Variants in MTA3 observed in about 807,000 individuals in gnomAD.
MTA3 encodes metastasis associated 1 family member 3.
Under a neutral mutation model 83.5 loss-of-function variants are expected in MTA3, and 34 were observed. That is an observed-to-expected ratio of 0.41 (90% CI 0.31 to 0.54). The LOEUF (loss-of-function observed/expected upper bound fraction) is 0.54, where lower values mean the gene tolerates loss of function less well. Among genes scored for constraint, MTA3 ranks in the 20% least tolerant of loss-of-function variants. MTA3 has a pLI of 0.33. For missense variants in MTA3, 761 were observed against 726.4 expected (o/e 1.05, Z -0.55); for synonymous variants, 303 against 252.7 (o/e 1.20, Z -1.89).
chr2:42,718,679 C>A (rs1319651467), intron 14 of MTA3, among the ~76,000 whole-genome samples: 1 of 151,946 alleles, frequency 6.6e-6, no homozygotes, highest in Non-Finnish European at 1.5e-5. Flanking sequence ...AGGAGAATTG[C>A]TTGAACCCAG....
rs1161293173 is a variant in MTA3 at position 42,667,424 on chromosome 2, T to C, written c.702+7562T>C. On this transcript the variant is annotated intron_variant, in intron 8 of 16. Transcript: ENST00000405094. ...CTAACTCTCCATCCCCTCTGCCCTC[T>C]AGCCACTACCCTTCTACTTTTGTCT... is the stretch of plus-strand genomic sequence containing the variant. Among the ~76,000 whole-genome samples the C allele has an allele frequency of 4.6e-5, 7 of 152,222 alleles. No homozygotes were observed. The East Asian group carries it at 1.4e-3, about 29-fold the overall frequency.
At chr2:42,634,592 G>A (rs750095784) in intron 4 of MTA3, among the ~76,000 whole-genome samples, 4 of 152,174 alleles carry the variant, frequency 2.6e-5, no homozygotes, top group African/African-American at 4.8e-5. Flanking sequence ...GGATTATGGG[G>A]ATCACAATTC....
chr2:42,753,686 C>T lies in MTA3; in HGVS notation c.*287C>T. ...GGGGCTGAGGGAACCCCTCCACCTC[C>T]TCCCTTCTGCAGCGCCCTGCGCCCC... is the stretch of plus-strand genomic sequence containing the variant. On this transcript the variant is annotated 3_prime_UTR_variant, in exon 17 of 17. Coordinates refer to ENST00000405094, the MANE Select transcript of MTA3 (RefSeq NM_001330442.2). 1.6e-6 allele frequency: 2 copies of T among 1,273,636 alleles called. No homozygotes were observed. Among genetic ancestry groups the T allele is most frequent in the Admixed American group, 3.7e-5 (1 of 26,938 alleles). The allele number at this position is 1,273,636 out of a possible 1,614,324, so 78.9% of individuals were successfully genotyped here.
chr2:42,508,787 CAT>C (rs1006709182), intron 2 of MTA3, among the ~76,000 whole-genome samples: 8 of 143,064 alleles, frequency 5.6e-5, no homozygotes, highest in Admixed American at 2.8e-4. Flanking sequence ...TTTAATATAT[CAT>C]AGATTAAATA....
In MTA3 at chr2:42,756,823, C is replaced by T. The variant is rs1558648975; in HGVS notation, c.*3424C>T. The stretch of plus-strand genomic sequence containing the variant: ...CTAACCCAGAGCACGCACCTGTGCT[C>T]ATGAGTGTTTCCGCAGGATAATTCG... On this transcript the variant is annotated 3_prime_UTR_variant, in exon 17 of 17. Transcript: ENST00000405094. The T allele has an allele frequency of 1.0e-6, 1 of 985,424 alleles. No individual in the cohort carries two copies. Among genetic ancestry groups the T allele is most frequent in the Non-Finnish European group, 1.2e-6 (1 of 829,936 alleles). The allele number at this position is 985,424 out of a possible 1,614,324, so 61.0% of individuals were successfully genotyped here. A position where few individuals can be genotyped will look rare whatever the true frequency, so the allele number is the denominator to read the frequency against.
At chr2:42,554,779 C>G (rs1343591877) in intron 2 of MTA3, among the ~76,000 whole-genome samples, 2 of 152,180 alleles carry the variant, frequency 1.3e-5, no homozygotes, top group Non-Finnish European at 2.9e-5. Context: ...TTGTGTGCAG[C>G]AGGTGGAGGT....
chr2:42,609,400 A>G (rs989936343), intron 3 of MTA3, 58 bp from the exon 4 acceptor site: 15 of 1,524,106 alleles, frequency 9.8e-6, no homozygotes, highest in African/African-American at 1.4e-5. Flanking sequence ...ATCTGTTTCA[A>G]TATCCAAACA....
intron 12 of MTA3, among the ~76,000 whole-genome samples, chr2:42,706,030 A>G (rs765308325): frequency 6.6e-6 from 1 of 152,174 alleles, no homozygotes; most frequent in Non-Finnish European, 1.5e-5. Flanking sequence ...CGTAAAATGT[A>G]TGTTTTAAGT....
intron 6 of MTA3, among the ~76,000 whole-genome samples, chr2:42,646,221 A>G (rs764700663): frequency 6.6e-6 from 1 of 152,228 alleles, no homozygotes; most frequent in Non-Finnish European, 1.5e-5. Flanking sequence ...CTGCTCATTG[A>G]TAATGCTCCC....
chr2:42,500,345 G>A (rs1438700889), intron 2 of MTA3, among the ~76,000 whole-genome samples: 3 of 152,072 alleles, frequency 2.0e-5, no homozygotes, highest in Non-Finnish European at 4.4e-5. Context: ...GTTACAGTGA[G>A]CCGAGATCAC....
At chr2:42,538,778 T>TTTG (rs1676384089) in intron 2 of MTA3, among the ~76,000 whole-genome samples, 1 of 55,792 alleles carries the variant, frequency 1.8e-5, no homozygotes, top group Non-Finnish European at 3.7e-5. Flanking sequence ...TTTTTTTTTG[T>TTTG]TTTTTTTGAG....
At chr2:42,638,106 G>A (rs1687357294) in intron 4 of MTA3, among the ~76,000 whole-genome samples, 1 of 151,952 alleles carries the variant, frequency 6.6e-6, no homozygotes, top group African/African-American at 2.4e-5. Context: ...ATTAAAACAA[G>A]CAAATCTGAC....
intron 16 of MTA3, among the ~76,000 whole-genome samples, chr2:42,734,137 A>G (rs1249303315): frequency 7.0e-6 from 1 of 142,986 alleles, no homozygotes; most frequent in East Asian, 2.1e-4. Flanking sequence ...TGAAGTCTCT[A>G]GCTATTATTG....
intron 2 of MTA3, among the ~76,000 whole-genome samples, chr2:42,504,890 T>C (rs1433374158): frequency 6.6e-6 from 1 of 152,150 alleles, no homozygotes; most frequent in Non-Finnish European, 1.5e-5. Flanking sequence ...GGTGCCATTA[T>C]AGGAACAGCC....
At chr2:42,647,168 C>CAAAAAAAAAAA (rs751491238) in intron 6 of MTA3, among the ~76,000 whole-genome samples, 1 of 143,704 alleles carries the variant, frequency 7.0e-6, no homozygotes, top group African/African-American at 2.6e-5. Context: ...AAAAAAAAAA[C>CAAAAAAAAAAA]AAAAAAGAAA....
At position 42,722,919 on chromosome 2, in the gene MTA3, T is replaced by A. The variant is rs1216945922; in HGVS notation, c.1643T>A (p.Ile548Asn). The A allele has an allele frequency of 1.3e-6, 2 of 1,498,750 alleles. No individual in the cohort carries two copies. The highest frequency in any genetic ancestry group is 8.9e-7 in the Non-Finnish European group (1 of 1,120,734). The allele number at this position is 1,498,750 out of a possible 1,614,324, so 92.8% of individuals were successfully genotyped here. ...CATCCTGCAAAGAAACCTAATGTAA[T>A]TCGATCTACACCAAGCCTGCAAACC... is the stretch of plus-strand genomic sequence containing the variant. ...EIHPAKKPNV[I>N]RSTPSLQTPT... Residue 548 changes from isoleucine to asparagine, a missense_variant, in exon 16 of 17, where the codon ATT (isoleucine) becomes AAT (asparagine). Coordinates refer to ENST00000405094, the MANE Select transcript of MTA3 (RefSeq NM_001330442.2).
At chr2:42,501,483 A>G (rs1305698259) in intron 2 of MTA3, among the ~76,000 whole-genome samples, 1 of 152,172 alleles carries the variant, frequency 6.6e-6, no homozygotes, top group East Asian at 1.9e-4. Context: ...GGAGGCCATT[A>G]TTGTATTGTC....
At chr2:42,719,331 C>A (rs1667246650) in intron 15 of MTA3, among the ~76,000 whole-genome samples, 1 of 152,016 alleles carries the variant, frequency 6.6e-6, no homozygotes, top group African/African-American at 2.4e-5. Context: ...AATATATATT[C>A]ATGGAAATAA....
At chr2:42,610,709 A>G (rs552451408) in intron 4 of MTA3, among the ~76,000 whole-genome samples, 2 of 152,176 alleles carry the variant, frequency 1.3e-5, no homozygotes, top group African/African-American at 2.4e-5. Flanking sequence ...CGGTCAGGAA[A>G]GCTTCAAGAG....
Sources: gnomAD v4.1 joint callset for allele counts (sites outside exome capture counted in the v4.1 genomes callset) on GRCh38, gnomAD v4.1.1 for gene constraint, MANE v1.5 for transcripts, NCBI Gene and HGNC (gene_info 2026-07-23, HGNC 2026-07-21) for gene names.